Variants in MYPN observed in about 807,000 individuals in gnomAD.
The protein encoded by MYPN is sarcomeric protein myopalladin, 145 kDa (MYOP).
MYPN carries 63 observed loss-of-function variants against 129.4 expected under a neutral mutation model. That is an observed-to-expected ratio of 0.49 (90% CI 0.40 to 0.60). The LOEUF (loss-of-function observed/expected upper bound fraction) is 0.60. MYPN is among the 20% of genes least tolerant of loss of function. The pLI is 0.00. For missense variants in MYPN, 1,596 were observed against 1,635.4 expected (o/e 0.98, Z 0.42); for synonymous variants, 629 against 600.9 (o/e 1.05, Z -0.68).
intron 8 of MYPN, among the ~76,000 whole-genome samples, chr10:68,162,923 C>T (rs1354650947): frequency 1.3e-5 from 2 of 152,154 alleles, no homozygotes; most frequent in Non-Finnish European, 2.9e-5. Flanking sequence ...GCCGGGTTCT[C>T]ATGCTGATCT....
At chr10:68,193,964 A>G (rs576223133) in intron 13 of MYPN, among the ~76,000 whole-genome samples, 1 of 151,674 alleles carries the variant, frequency 6.6e-6, no homozygotes, top group South Asian at 2.1e-4. Flanking sequence ...GAGATCTGCA[A>G]CTGCAGGAAA....
At chr10:68,165,534 A>G in intron 8 of MYPN, 168 bp from the exon 9 acceptor site, 1 of 699,446 alleles carries the variant, frequency 1.4e-6, no homozygotes, top group Non-Finnish European at 2.6e-6. Context: ...CATTTTGCCT[A>G]CTAATCAGTC....
Position 68,137,209 on chromosome 10 carries a change from G to A in MYPN, c.903-5731G>A, listed in dbSNP as rs181112042. ...AGAGTAGCATTGTTTTTCATTGTTC[G>A]CATATCTCTTTAATATCTGGCTTAA... is the stretch of plus-strand genomic sequence containing the variant. On this transcript the variant is annotated intron_variant, in intron 2 of 19. Coordinates refer to ENST00000358913, the MANE Select transcript of MYPN (RefSeq NM_032578.4). Among the ~76,000 whole-genome samples the A allele has an allele frequency of 3.7e-3, 557 of 152,152 alleles. 1 individual carries two copies. Among genetic ancestry groups the A allele is most frequent in the African/African-American group, 0.013 (529 of 41,520 alleles).
intron 12 of MYPN, among the ~76,000 whole-genome samples, chr10:68,179,621 T>C (rs748129193): frequency 1.3e-5 from 2 of 152,214 alleles, no homozygotes; most frequent in Non-Finnish European, 2.9e-5. Flanking sequence ...CTACCCACTA[T>C]GGTAACAATC....
rs953356395 is a variant in MYPN at position 68,145,086 on chromosome 10, G to A, written c.1079-389G>A. Among the ~76,000 whole-genome samples, 12 of 151,280 alleles carry A rather than the reference G, an allele frequency of 7.9e-5. No individual in the cohort carries two copies. In the South Asian group the frequency reaches 1.0e-3, roughly 13 times the overall value. On this transcript the variant is annotated intron_variant, in intron 3 of 19. Transcript: ENST00000358913. ...GTTGCCCAGGCTGGAGTGCAATGGC[G>A]TGATCTCGGCTCACAGCAACCTCCG...
At chr10:68,112,334 A>G (rs1194355293) in intron 1 of MYPN, among the ~76,000 whole-genome samples, 2 of 152,104 alleles carry the variant, frequency 1.3e-5, no homozygotes, top group African/African-American at 2.4e-5. Flanking sequence ...GCTTCCCTAC[A>G]TGTTTGTCAT....
intron 8 of MYPN, among the ~76,000 whole-genome samples, chr10:68,163,984 G>C (rs1388731843): frequency 6.6e-6 from 1 of 152,160 alleles, no homozygotes. Context: ...TTTACCATCT[G>C]AGGCTGAGAG....
intron 16 of MYPN, 129 bp downstream of exon 16, chr10:68,197,607 T>A: frequency 8.9e-7 from 1 of 1,125,430 alleles, no homozygotes; most frequent in Non-Finnish European, 1.3e-6. Context: ...GGGAGACAGA[T>A]CACTTTTTTT....
rs745701368 is a variant in MYPN, at chr10:68,197,354, G to A, written c.3161G>A (p.Gly1054Glu). Residue 1054 changes from glycine to glutamate, a missense_variant and splice_region_variant, in exon 16 of 20, where the codon GGA becomes GAA. By Grantham distance (98) the Gly-to-Glu change is moderately conservative. Transcript: ENST00000358913. ...RLTSAGQSHR[G>E]RSRVQERDKE... ...TCTGAACATGCTTGTTGTTATAGGG[G>A]AAGATCCCGAGTGCAAGAAAGAGAC... The A allele has an allele frequency of 9.9e-6, 16 of 1,613,188 alleles. No individual in the cohort carries two copies. In the South Asian group the frequency reaches 1.8e-4, roughly 18 times the overall value.
At chr10:68,198,731 TG>T (rs1301870124) in intron 16 of MYPN, among the ~76,000 whole-genome samples, 10 of 152,172 alleles carry the variant, frequency 6.6e-5, no homozygotes, top group African/African-American at 2.2e-4. Flanking sequence ...GTTTAATATC[TG>T]GCCTTTCATC....
intron 1 of MYPN, among the ~76,000 whole-genome samples, chr10:68,117,331 G>T (rs1007730205): frequency 1.3e-5 from 2 of 152,066 alleles, no homozygotes; most frequent in African/African-American, 4.8e-5. Context: ...GTGCTATGTG[G>T]GTGCAGAGAC....
intron 12 of MYPN, among the ~76,000 whole-genome samples, chr10:68,183,612 G>A (rs1009634853): frequency 3.3e-5 from 5 of 152,192 alleles, no homozygotes; most frequent in African/African-American, 1.2e-4. Context: ...AGGTTCTTTA[G>A]CTTGTAGCAA....
At chr10:68,158,716 TA>T in intron 7 of MYPN, 89 bp downstream of exon 7, 2 of 951,750 alleles carry the variant, frequency 2.1e-6, no homozygotes, top group South Asian at 3.2e-5. Context: ...AACAACTAAT[TA>T]AAAATATAGT....
intron 2 of MYPN, among the ~76,000 whole-genome samples, chr10:68,141,065 C>T (rs2042569057): frequency 6.6e-6 from 1 of 151,142 alleles, no homozygotes; most frequent in Non-Finnish European, 1.5e-5. Context: ...TGAGACCCTT[C>T]CTCCACCACC....
chr10:68,119,420 T>TATTC (rs1266128931), intron 1 of MYPN, among the ~76,000 whole-genome samples: 1 of 134,228 alleles, frequency 7.5e-6, no homozygotes, highest in Admixed American at 7.3e-5. Flanking sequence ...TTTATTTATT[T>TATTC]ATTTATTGAG....
rs972316559 is a variant in MYPN at position 68,090,412 on chromosome 10, G to A, written c.-2+2420G>A. On this transcript the variant is annotated intron_variant, in intron 1 of 6. Coordinates refer to the MYPN transcript ENST00000685154. ...ACTCCTGACCTCAAGTGATCTACCC[G>A]CCTCGGCCTCCCAAAGTGCTAGGAT... is the stretch of plus-strand genomic sequence containing the variant. Among the ~76,000 whole-genome samples the A allele has an allele frequency of 2.0e-5, 3 of 152,138 alleles. No homozygotes were observed. In the East Asian group the frequency reaches 5.8e-4, roughly 29 times the overall value.
rs79636520 is a variant in MYPN, at chr10:68,172,669, T to C, written c.1974-1397T>C. Among the ~76,000 whole-genome samples, 531 of 152,306 alleles carry C rather than the reference T, an allele frequency of 3.5e-3. 5 individuals are homozygous for C. The highest frequency in any genetic ancestry group is 0.012 in the African/African-American group (518 of 41,566). On this transcript the variant is annotated intron_variant, in intron 10 of 19. Coordinates refer to ENST00000358913, the MANE Select transcript of MYPN (RefSeq NM_032578.4). ...TGGAGAAACTGCTTCCAGTTTGATC[T>C]TTCTCCTTTTAGGAACAATAAAAGT...
intron 19 of MYPN, among the ~76,000 whole-genome samples, chr10:68,208,910 T>A (rs1229268425): frequency 6.6e-6 from 1 of 152,104 alleles, no homozygotes; most frequent in Non-Finnish European, 1.5e-5. Flanking sequence ...CGGGAAGGGC[T>A]AAGAGATGGA....
At chr10:68,134,936 A>ATTATT (rs1289128367) in intron 2 of MYPN, among the ~76,000 whole-genome samples, 23 of 151,980 alleles carry the variant, frequency 1.5e-4, no homozygotes, top group South Asian at 2.1e-4. Flanking sequence ...AACTCAATAA[A>ATTATT]TTATTTTATT....
Sources: allele counts gnomAD v4.1 joint callset (sites outside exome capture counted in the v4.1 genomes callset), GRCh38; gene constraint gnomAD v4.1.1; transcripts MANE v1.5; gene names NCBI Gene and HGNC (gene_info 2026-07-23, HGNC 2026-07-21).